Variants in IFT43 observed in about 807,000 individuals in gnomAD.
The protein encoded by IFT43 is intraflagellar transport 43.
A neutral mutation model predicts 32.3 loss-of-function variants in IFT43; 33 were observed. The observed-to-expected ratio is 1.02, with a 90% CI of 0.77 to 1.37. The LOEUF is 1.37. Ranked by LOEUF, IFT43 falls within the 40% of genes most tolerant of loss-of-function variation. The pLI, the probability that IFT43 is intolerant of heterozygous loss-of-function variation, is 0.00. For missense variants in IFT43, 274 were observed against 265.9 expected (o/e 1.03, Z -0.21); for synonymous variants, 93 against 98.2 (o/e 0.95, Z 0.31).
intron 5 of IFT43, among the ~76,000 whole-genome samples, chr14:76,070,824 A>C: frequency 6.7e-6 from 1 of 149,808 alleles, no homozygotes; most frequent in East Asian, 2.0e-4. Context: ...CTCCCCCTTC[A>C]CTTTCCACCA....
chr14:75,985,902 C>T (rs2035512499), intron 1 of IFT43, 62 bp downstream of exon 1: 2 of 1,590,914 alleles, frequency 1.3e-6, no homozygotes, highest in South Asian at 1.1e-5. Context: ...AGCGACCCCG[C>T]CGGCCCCGAC....
At chr14:75,989,397 A>G (rs1476822466) in intron 2 of IFT43, among the ~76,000 whole-genome samples, 2 of 152,032 alleles carry the variant, frequency 1.3e-5, no homozygotes, top group East Asian at 3.9e-4. Context: ...CAGATCATTT[A>G]CTGGCCTTAC....
rs1174571263 is a variant in IFT43, at chr14:75,994,731, A to T, written c.147+5754A>T. ...GATTTTGCTGGAAGATAGTTCTATG[A>T]TGAGTGTCTACATGTCTGTGATGTA... On this transcript the variant is annotated intron_variant, in intron 2 of 8. Coordinates refer to ENST00000314067, the MANE Select transcript of IFT43 (RefSeq NM_001102564.3). Among the ~76,000 whole-genome samples, 3 of 152,230 alleles carry T rather than the reference A, an allele frequency of 2.0e-5. No individual in the cohort carries two copies. In the East Asian group the frequency reaches 5.8e-4, roughly 29 times the overall value.
At chr14:76,000,236 G>C (rs2035856462) in intron 2 of IFT43, among the ~76,000 whole-genome samples, 1 of 146,422 alleles carries the variant, frequency 6.8e-6, no homozygotes, top group Admixed American at 6.8e-5. Flanking sequence ...ATTTTTCTTA[G>C]TATACATAAC....
At chr14:76,049,324 A>T (rs570870051) in intron 3 of IFT43, among the ~76,000 whole-genome samples, 4 of 152,214 alleles carry the variant, frequency 2.6e-5, no homozygotes, top group Non-Finnish European at 4.4e-5. Context: ...CTCCATTTAC[A>T]GCCAGTGTTT....
intron 3 of IFT43, among the ~76,000 whole-genome samples, chr14:76,025,853 A>G (rs551900200): frequency 6.6e-6 from 1 of 152,336 alleles, no homozygotes; most frequent in Non-Finnish European, 1.5e-5. Context: ...ACTCTGGAAG[A>G]CAACCTAGGC....
At chr14:76,037,002 A>AT (rs1233839154) in intron 3 of IFT43, among the ~76,000 whole-genome samples, 2 of 152,162 alleles carry the variant, frequency 1.3e-5, no homozygotes, top group Admixed American at 6.5e-5. Context: ...ATGTTTAAAA[A>AT]TTTTTTGGAG....
chr14:76,051,961 C>T (rs1371329882), intron 3 of IFT43, among the ~76,000 whole-genome samples: 7 of 152,192 alleles, frequency 4.6e-5, no homozygotes, highest in African/African-American at 1.4e-4. Flanking sequence ...CTTCACATTC[C>T]TCCCCAGGTC....
chr14:76,053,111 G>A (rs764907050), intron 3 of IFT43, among the ~76,000 whole-genome samples: 5 of 151,944 alleles, frequency 3.3e-5, no homozygotes, highest in Non-Finnish European at 7.4e-5. Flanking sequence ...ATAAAATAAG[G>A]TACTATAATA....
chr14:76,024,696 G>A (rs2111782), intron 3 of IFT43, among the ~76,000 whole-genome samples: 8,506 of 152,276 alleles, frequency 0.056, 347 homozygotes, highest in Non-Finnish European at 0.086. Context: ...TAGGTAACAC[G>A]TGTTCTGTAA....
chr14:76,082,945 A>G (rs1594871667), intron 7 of IFT43, among the ~76,000 whole-genome samples: 1 of 151,736 alleles, frequency 6.6e-6, no homozygotes. Flanking sequence ...ACCTGATGGC[A>G]CCCCACTCCC....
At chr14:76,073,996 C>T (rs753357215) in intron 5 of IFT43, among the ~76,000 whole-genome samples, 5 of 152,192 alleles carry the variant, frequency 3.3e-5, no homozygotes, top group Admixed American at 2.6e-4. Context: ...CAGAGGGAGC[C>T]GCTCAGAAGC....
chr14:76,056,357 T>A (rs1472726731), intron 3 of IFT43, among the ~76,000 whole-genome samples: 2 of 152,226 alleles, frequency 1.3e-5, no homozygotes, highest in Non-Finnish European at 2.9e-5. Flanking sequence ...GGGAGAGTCC[T>A]TGGGCTCCCC....
chr14:75,989,037 A>G, intron 2 of IFT43, 60 bp downstream of exon 2: 1 of 1,591,456 alleles, frequency 6.3e-7, no homozygotes, highest in South Asian at 1.1e-5. Flanking sequence ...GTGATTCCTT[A>G]ATGACCAAGG....
chr14:76,005,164 T>C (rs548553366), intron 2 of IFT43, among the ~76,000 whole-genome samples: 2 of 152,392 alleles, frequency 1.3e-5, no homozygotes, highest in Non-Finnish European at 2.9e-5. Context: ...TAAGACATTG[T>C]AGATGAAAAA....
At chr14:76,046,409 A>G (rs1234570707) in intron 3 of IFT43, among the ~76,000 whole-genome samples, 2 of 152,112 alleles carry the variant, frequency 1.3e-5, no homozygotes, top group African/African-American at 4.8e-5. Flanking sequence ...TAGGTTCAGC[A>G]AGGGAGGCAG....
At chr14:76,007,492 A>G (rs569649124) in intron 2 of IFT43, among the ~76,000 whole-genome samples, 24 of 152,246 alleles carry the variant, frequency 1.6e-4, no homozygotes, top group African/African-American at 3.4e-4. Flanking sequence ...GCTTGCTTCT[A>G]CTGCTCTCAG....
intron 3 of IFT43, among the ~76,000 whole-genome samples, chr14:76,024,860 T>C (rs1264009504): frequency 1.3e-5 from 2 of 152,218 alleles, no homozygotes; most frequent in Non-Finnish European, 2.9e-5. Context: ...AATATAGTTA[T>C]TCTAGGCCAG....
intron 5 of IFT43, among the ~76,000 whole-genome samples, chr14:76,072,469 T>C (rs987059651): frequency 2.0e-5 from 3 of 152,208 alleles, no homozygotes; most frequent in Non-Finnish European, 4.4e-5. Context: ...CGAACATCCC[T>C]GCTCAAAACA....
Sources: allele counts gnomAD v4.1 joint callset (sites outside exome capture counted in the v4.1 genomes callset), GRCh38; gene constraint gnomAD v4.1.1; transcripts MANE v1.5; gene names NCBI Gene and HGNC (gene_info 2026-07-23, HGNC 2026-07-21).